The following UTRN variants were observed in gnomAD, a reference collection of about 807,000 sequenced individuals.
UTRN encodes the protein dystrophin-related protein 1.
UTRN carries 283 observed loss-of-function variants against 463.9 expected under a neutral mutation model. That is an observed-to-expected ratio of 0.61 (90% CI 0.55 to 0.67). The LOEUF (loss-of-function observed/expected upper bound fraction) is 0.67. UTRN is among the 30% of genes least tolerant of loss of function. The probability of loss-of-function intolerance (pLI) is 0.00; values close to 1 mark genes in which losing one functional copy is unlikely to be tolerated. For missense variants in UTRN, 3,922 were observed against 4,084.3 expected (o/e 0.96, Z 1.08); for synonymous variants, 1,442 against 1,431.5 (o/e 1.01, Z -0.17).
chr6:144,315,898 G>A (rs993699214), intron 2 of UTRN, among the ~76,000 whole-genome samples: 1 of 152,202 alleles, frequency 6.6e-6, no homozygotes, highest in Non-Finnish European at 1.5e-5. Context: ...ACGTCATGGC[G>A]CTGTGAACTG....
chr6:144,334,471 T>A (rs1157365578), intron 2 of UTRN, among the ~76,000 whole-genome samples: 1 of 151,968 alleles, frequency 6.6e-6, no homozygotes, highest in East Asian at 1.9e-4. Flanking sequence ...AGACTCATAA[T>A]CCGGGCAGCC....
intron 28 of UTRN, among the ~76,000 whole-genome samples, chr6:144,485,942 C>G (rs1030722397): frequency 6.6e-6 from 1 of 152,178 alleles, no homozygotes; most frequent in Non-Finnish European, 1.5e-5. Context: ...GAAGTTAAGA[C>G]AGTGGTTGAG....
chr6:144,495,643 AGGC>A (rs1793569703), intron 33 of UTRN, among the ~76,000 whole-genome samples: 2 of 152,250 alleles, frequency 1.3e-5, no homozygotes, highest in African/African-American at 4.8e-5. Flanking sequence ...GTGGGAGCCC[AGGC>A]AGAGGAGGCG....
intron 18 of UTRN, 126 bp downstream of exon 18, chr6:144,451,619 T>C (rs1788311627): frequency 8.7e-7 from 1 of 1,144,582 alleles, no homozygotes; most frequent in Middle Eastern, 3.0e-4. Flanking sequence ...AGAAGGTAGC[T>C]TTTAGTACAT....
intron 2 of UTRN, among the ~76,000 whole-genome samples, chr6:144,297,167 G>A (rs1439143819): frequency 6.6e-6 from 1 of 151,972 alleles, no homozygotes; most frequent in Non-Finnish European, 1.5e-5. Context: ...GCCCAGATAG[G>A]TATCTGTGGT....
chr6:144,723,331 G>T (rs1787422023), intron 53 of UTRN, among the ~76,000 whole-genome samples: 1 of 152,166 alleles, frequency 6.6e-6, no homozygotes, highest in Admixed American at 6.5e-5. Flanking sequence ...AAGATGAACA[G>T]ATTGGGTGAC....
intron 59 of UTRN, 49 bp downstream of exon 59, chr6:144,772,017 T>C: frequency 7.2e-6 from 1 of 139,350 alleles, no homozygotes; most frequent in African/African-American, 3.6e-4. Flanking sequence ...TGAGAACCGG[T>C]TTTTTTTTTT....
chr6:144,344,059 C>A (rs1226660397), intron 2 of UTRN: 151 of 969,934 alleles, frequency 1.6e-4, no homozygotes, highest in Non-Finnish European at 2.0e-4. Context: ...TAGGTTTAGT[C>A]AGATCCTCTC....
At chr6:144,345,117 C>T (rs1178240313) in intron 2 of UTRN, among the ~76,000 whole-genome samples, 1 of 152,168 alleles carries the variant, frequency 6.6e-6, no homozygotes, top group Non-Finnish European at 1.5e-5. Context: ...GTTTTCCTTT[C>T]TTGTGGAATT....
At chr6:144,285,942 C>T (rs1450690860) in intron 1 of UTRN, 121 bp downstream of exon 1, 3 of 152,340 alleles carry the variant, frequency 2.0e-5, no homozygotes, top group African/African-American at 7.2e-5. Context: ...GATCGGCGTC[C>T]CGAGCTGCTT....
At chr6:144,301,067 G>C (rs1417606953) in intron 2 of UTRN, among the ~76,000 whole-genome samples, 2 of 151,848 alleles carry the variant, frequency 1.3e-5, no homozygotes, top group Non-Finnish European at 2.9e-5. Flanking sequence ...TTCGGTGGGG[G>C]GCTCATAAAT....
intron 51 of UTRN, among the ~76,000 whole-genome samples, chr6:144,644,869 C>A (rs1299359009): frequency 2.6e-5 from 4 of 152,120 alleles, no homozygotes; most frequent in Non-Finnish European, 5.9e-5. Context: ...CCAAGAAATT[C>A]CTCAGAACCA....
intron 2 of UTRN, among the ~76,000 whole-genome samples, chr6:144,380,816 T>C (rs1780844824): frequency 6.6e-6 from 1 of 152,032 alleles, no homozygotes; most frequent in Non-Finnish European, 1.5e-5. Context: ...AAAAACTTGA[T>C]TGAGAAAAAT....
At chr6:144,766,605 T>C (rs1793372317) in intron 58 of UTRN, among the ~76,000 whole-genome samples, 5 of 152,076 alleles carry the variant, frequency 3.3e-5, no homozygotes, top group Admixed American at 2.0e-4. Context: ...ACCATGGAGT[T>C]CATTGCTAAT....
chr6:144,529,542 G>A (rs912377951), intron 41 of UTRN, among the ~76,000 whole-genome samples: 9 of 152,000 alleles, frequency 5.9e-5, no homozygotes, highest in African/African-American at 2.2e-4. Context: ...TAGATCTTTG[G>A]AACAGTCTTA....
chr6:144,291,737 G>A lies in UTRN; in HGVS notation c.-92G>A. ...TCAGTACTTTCCCTTTTCCTTTTAG[G>A]TATTGATGTCAAGCTGAACCATCGT... On this transcript the variant is annotated splice_region_variant and 5_prime_UTR_variant, in exon 2 of 75. Coordinates refer to ENST00000367545, the MANE Select transcript of UTRN (RefSeq NM_007124.3). 1 of 998,400 alleles carries A rather than the reference G, an allele frequency of 1.0e-6. No individual in the cohort carries two copies. The highest frequency in any genetic ancestry group is 1.5e-6 in the Non-Finnish European group (1 of 684,948). The allele number at this position is 998,400 out of a possible 1,614,324, so 61.8% of individuals were successfully genotyped here.
At chr6:144,369,031 T>C (rs1254945571) in intron 2 of UTRN, among the ~76,000 whole-genome samples, 2 of 152,224 alleles carry the variant, frequency 1.3e-5, no homozygotes. Flanking sequence ...TTTTTTTGGA[T>C]TGAGAGGTCT....
chr6:144,332,904 TTTTA>T (rs200334669), intron 2 of UTRN, among the ~76,000 whole-genome samples: 18,653 of 145,012 alleles, frequency 0.13, 1,543 homozygotes, highest in African/African-American at 0.25. Flanking sequence ...GATATTAACC[TTTTA>T]TTTATTTATT....
chr6:144,348,891 G>T (rs1336524315), intron 2 of UTRN, among the ~76,000 whole-genome samples: 2 of 151,936 alleles, frequency 1.3e-5, no homozygotes, highest in Non-Finnish European at 2.9e-5. Flanking sequence ...CAGAGGTTGC[G>T]CCATTGCACT....
Sources: allele counts gnomAD v4.1 joint callset (sites outside exome capture counted in the v4.1 genomes callset), GRCh38; gene constraint gnomAD v4.1.1; transcripts MANE v1.5; gene names NCBI Gene and HGNC (gene_info 2026-07-23, HGNC 2026-07-21).